FANCA: variants seen among roughly 807,000 people sequenced by gnomAD.
FANCA encodes FA complementation group A.
Under a neutral mutation model 194.3 loss-of-function variants are expected in FANCA, and 236 were observed. The observed-to-expected ratio is 1.21, with a 90% CI of 1.09 to 1.35. The LOEUF is 1.35. Ranked by LOEUF, FANCA falls within the 40% of genes most tolerant of loss-of-function variation. The pLI, the probability that FANCA is intolerant of heterozygous loss-of-function variation, is 0.00. For missense variants in FANCA, 2,628 were observed against 1,813.9 expected, an observed-to-expected ratio of 1.45 and a Z score of -8.15; for synonymous variants, 1,014 against 715.8, an observed-to-expected ratio of 1.42 and a Z score of -6.65.
intron 6 of FANCA, among the ~76,000 whole-genome samples, chr16:89,807,557 C>T (rs553555115): frequency 6.6e-6 from 1 of 152,132 alleles, no homozygotes; most frequent in East Asian, 1.9e-4. Context: ...TGACACCAGC[C>T]TGGCTAACAT....
At chr16:89,742,531 T>G (rs34027607) in intron 37 of FANCA, among the ~76,000 whole-genome samples, 4 of 151,432 alleles carry the variant, frequency 2.6e-5, no homozygotes, top group Non-Finnish European at 5.9e-5. Context: ...CCAAGCCAGC[T>G]GGGCGTGGTG....
rs765165318 is a variant in FANCA at position 89,792,179 on chromosome 16, G to A, written c.1084-111C>T. The A allele has an allele frequency of 5.7e-4, 725 of 1,278,630 alleles. 9 individuals are homozygous for A. The highest frequency in any genetic ancestry group is 1.5e-4 in the Admixed American group (9 of 58,322). The allele number at this position is 1,278,630 out of a possible 1,614,324, so 79.2% of individuals were successfully genotyped here. On this transcript the variant is annotated intron_variant, in intron 12 of 42. Transcript: ENST00000389301. ...CACCGCAGCCCCCTCACTTCCCACTGCAAAGGTAACACATGGAGCTGTGAC... is the reference window on the plus strand; with the variant it reads ...CACCGCAGCCCCCTCACTTCCCACTACAAAGGTAACACATGGAGCTGTGAC...
At chr16:89,793,620 G>C (rs1040605607) in intron 11 of FANCA, among the ~76,000 whole-genome samples, 2 of 152,034 alleles carry the variant, frequency 1.3e-5, no homozygotes, top group African/African-American at 4.8e-5. Flanking sequence ...TTTTGGACAG[G>C]GTCTCACTAT....
chr16:89,794,263 T>C (rs1030325539), intron 11 of FANCA, among the ~76,000 whole-genome samples: 1 of 152,088 alleles, frequency 6.6e-6, no homozygotes, highest in African/African-American at 2.4e-5. Context: ...TTTTAAACTG[T>C]CAGTAAGGTC....
chr16:89,812,587 G>T (rs1052530496), intron 3 of FANCA, among the ~76,000 whole-genome samples: 4 of 144,698 alleles, frequency 2.8e-5, no homozygotes, highest in African/African-American at 1.0e-4. Flanking sequence ...CAGAGGTTGC[G>T]GTGAGTCGAG....
chr16:89,744,217 C>T (rs1044657523), intron 36 of FANCA, among the ~76,000 whole-genome samples: 5 of 152,180 alleles, frequency 3.3e-5, no homozygotes, highest in South Asian at 2.1e-4. Context: ...TTTCAGCAGA[C>T]GGCGAGCAGC....
chr16:89,806,297 CCA>C (rs1033249199), intron 6 of FANCA, among the ~76,000 whole-genome samples: 11 of 151,342 alleles, frequency 7.3e-5, no homozygotes, highest in African/African-American at 9.7e-5. Flanking sequence ...GTAGAGTGCT[CCA>C]CAGTCAGTCA....
intron 36 of FANCA, chr16:89,744,665 G>GTT (rs56850260): frequency 0.014 from 5,174 of 366,216 alleles, no homozygotes; most frequent in East Asian, 0.062. Context: ...GGCAGAGGCT[G>GTT]TTTTTTTTTT....
chr16:89,774,030 A>G (rs1419302595), intron 21 of FANCA, among the ~76,000 whole-genome samples: 2 of 152,108 alleles, frequency 1.3e-5, no homozygotes, highest in African/African-American at 4.8e-5. Context: ...TGGCCTCTCA[A>G]AGTGCTGGGA....
At chr16:89,808,272 T>C in intron 6 of FANCA, 22 bp downstream of exon 6, 1 of 1,611,156 alleles carries the variant, frequency 6.2e-7, no homozygotes, top group African/African-American at 1.3e-5. Context: ...ACAGTAACAC[T>C]GAATCATCAT....
Position 89,738,423 on chromosome 16 carries a change from T to G in FANCA, c.*178A>C. ...CCTCTGCTCTGGGACCAGTGGTTTA[T>G]TTTCCCGCAAACGCTGAGTGACTCG... On this transcript the variant is annotated 3_prime_UTR_variant, in exon 43 of 43. Transcript: ENST00000389301. 3 of 1,376,808 alleles carry G rather than the reference T, an allele frequency of 2.2e-6. No homozygotes were observed. The South Asian group carries it at 4.0e-5, about 18-fold the overall frequency. 85.3% of individuals were successfully genotyped at this position (1,376,808 alleles called of 1,614,324 possible). A position where few individuals can be genotyped will look rare whatever the true frequency, so the allele number is the denominator to read the frequency against.
In FANCA at chr16:89,784,956, A is replaced by G; in HGVS notation, c.1368T>C (p.Phe456=). 1 of 1,613,492 alleles carries G rather than the reference A, an allele frequency of 6.2e-7. No individual in the cohort carries two copies. Among genetic ancestry groups the G allele is most frequent in the Non-Finnish European group, 8.5e-7 (1 of 1,179,544 alleles). Residue 456 remains phenylalanine (F), a synonymous_variant, in exon 15 of 43, where the codon TTT becomes TTC. Transcript: ENST00000389301. ...LSYADWFKAS[F]GSTRGYHGCS... is the part of the protein sequence containing the mutation. ...AGCCATGGTAGCCTCGTGTGCTCCC[A>G]AAGGAGGCCTGTGTGGAGAGAAGAG...
chr16:89,754,250 AC>A (rs541040160), intron 30 of FANCA, among the ~76,000 whole-genome samples: 60,860 of 147,468 alleles, frequency 0.41, 13,613 homozygotes, highest in East Asian at 0.75. Flanking sequence ...CAAAACAACA[AC>A]AAAAAAAACA....
rs1800333 is a variant in FANCA at position 89,782,843 on chromosome 16, G to A, written c.1626+16C>T. On this transcript the variant is annotated intron_variant, in intron 17 of 42. Transcript: ENST00000389301. ...GCGTGACTGGCTGAGACCCTGCAGG[G>A]CTCAAGCAACATTACCTCAGTAATG... 5.2e-4 allele frequency: 834 copies of A among 1,611,346 alleles called. 5 individuals carry two copies. In the African/African-American group the frequency reaches 0.01, roughly 20 times the overall value.
intron 8 of FANCA, among the ~76,000 whole-genome samples, chr16:89,800,902 G>A (rs1020828127): frequency 2.6e-5 from 4 of 151,872 alleles, no homozygotes; most frequent in African/African-American, 7.3e-5. Context: ...GTGCGGTGGC[G>A]GGTGTCTATA....
chr16:89,806,326 G>A (rs914760633), intron 6 of FANCA, among the ~76,000 whole-genome samples: 48 of 144,508 alleles, frequency 3.3e-4, no homozygotes, highest in African/African-American at 1.1e-3. Context: ...CTGGTTTGCA[G>A]CATTCAACTT....
chr16:89,744,113 T>C (rs1376500201), intron 36 of FANCA, among the ~76,000 whole-genome samples: 2 of 152,166 alleles, frequency 1.3e-5, no homozygotes, highest in East Asian at 3.9e-4. Flanking sequence ...CAGGCTGGTC[T>C]CAAACTCCTG....
intron 15 of FANCA, 53 bp from the exon 16 acceptor site, chr16:89,783,155 T>TTAG: frequency 1.5e-6 from 2 of 1,362,634 alleles, no homozygotes; most frequent in African/African-American, 2.9e-5. Context: ...TGCCTGGGAC[T>TTAG]CCAGGGAGGC....
chr16:89,781,742 G>C (rs2039714960), intron 17 of FANCA, among the ~76,000 whole-genome samples: 1 of 150,450 alleles, frequency 6.6e-6, no homozygotes, highest in South Asian at 2.1e-4. Context: ...GCTCACGCCT[G>C]TAATCCCAGC....
Sources: gnomAD v4.1 joint callset for allele counts (sites outside exome capture counted in the v4.1 genomes callset) on GRCh38, gnomAD v4.1.1 for gene constraint, MANE v1.5 for transcripts, NCBI Gene and HGNC (gene_info 2026-07-23, HGNC 2026-07-21) for gene names.